TUFT1: variants seen among roughly 807,000 people sequenced by gnomAD.
TUFT1 encodes the protein tuftelin.
A neutral mutation model predicts 57.8 loss-of-function variants in TUFT1; 43 were observed. The ratio of observed to expected loss-of-function variants is 0.74; its 90% CI spans 0.58 to 0.96. TUFT1 has a LOEUF of 0.96. Ranked by LOEUF, TUFT1 falls within the 40% of genes least tolerant of loss-of-function variation. The pLI is 0.00. For missense variants in TUFT1, 459 were observed against 489.0 expected (o/e 0.94, Z 0.58); for synonymous variants, 166 against 176.7 (o/e 0.94, Z 0.48).
chr1:151,555,122 G>A (rs938478893), intron 1 of TUFT1, among the ~76,000 whole-genome samples: 13 of 149,124 alleles, frequency 8.7e-5, no homozygotes, highest in Non-Finnish European at 1.6e-4. Flanking sequence ...GAGGTCAGGA[G>A]TTCAAGACCA....
chr1:151,575,293 G>C (rs565206573), intron 9 of TUFT1, among the ~76,000 whole-genome samples: 16 of 152,218 alleles, frequency 1.1e-4, no homozygotes, highest in Non-Finnish European at 2.2e-4. Context: ...TGGAGCATCT[G>C]CTGTTGCTGT....
chr1:151,546,852 G>A (rs370643686), intron 1 of TUFT1, among the ~76,000 whole-genome samples: 1 of 152,154 alleles, frequency 6.6e-6, no homozygotes, highest in Admixed American at 6.5e-5. Flanking sequence ...ACAAGTTTTT[G>A]TGTGGAAATA....
intron 6 of TUFT1, among the ~76,000 whole-genome samples, chr1:151,569,376 G>T (rs563620441): frequency 6.6e-6 from 1 of 152,150 alleles, no homozygotes; most frequent in Non-Finnish European, 1.5e-5. Flanking sequence ...CCAAGAAATC[G>T]ATTAGTGGAT....
chr1:151,558,068 C>A, intron 1 of TUFT1: 1 of 327,546 alleles, frequency 3.1e-6, no homozygotes, highest in Non-Finnish European at 5.8e-6. Context: ...ATGTTTCTTT[C>A]TTCCCATTAT....
At chr1:151,558,916 C>T (rs1234445086) in intron 1 of TUFT1, among the ~76,000 whole-genome samples, 1 of 151,988 alleles carries the variant, frequency 6.6e-6, no homozygotes, top group Non-Finnish European at 1.5e-5. Context: ...TCCCTAGTAG[C>T]TGGGATTACA....
chr1:151,566,256 T>C (rs1291808828), intron 6 of TUFT1, 28 bp downstream of exon 6: 2 of 1,597,162 alleles, frequency 1.3e-6, no homozygotes, highest in South Asian at 2.2e-5. Flanking sequence ...CCATGGTGGC[T>C]CCGCTTAGCC....
At chr1:151,553,917 T>G (rs971840994) in intron 1 of TUFT1, among the ~76,000 whole-genome samples, 2 of 152,220 alleles carry the variant, frequency 1.3e-5, no homozygotes, top group East Asian at 3.8e-4. Flanking sequence ...CCTAATGAAG[T>G]TGAACCCCTT....
chr1:151,547,695 G>A (rs548428050), intron 1 of TUFT1, among the ~76,000 whole-genome samples: 1 of 152,184 alleles, frequency 6.6e-6, no homozygotes, highest in African/African-American at 2.4e-5. Flanking sequence ...TGATGCAGAG[G>A]GGGCACTGAG....
intron 1 of TUFT1, 152 bp from the exon 2 acceptor site, chr1:151,561,939 T>G: frequency 6.7e-7 from 1 of 1,494,450 alleles, no homozygotes; most frequent in South Asian, 1.3e-5. Flanking sequence ...AAGGTAATGC[T>G]GCCTCCCTGG....
intron 11 of TUFT1, among the ~76,000 whole-genome samples, chr1:151,580,498 G>GA (rs369418715): frequency 6.6e-6 from 1 of 151,592 alleles, no homozygotes; most frequent in Non-Finnish European, 1.5e-5. Context: ...CTCTGAAAAA[G>GA]AAAAAATTTT....
chr1:151,542,390 A>AT (rs11432264), intron 1 of TUFT1, among the ~76,000 whole-genome samples: 24,210 of 138,968 alleles, frequency 0.17, 2,775 homozygotes, highest in East Asian at 0.47. Flanking sequence ...CCTGACTAAA[A>AT]TTTTTTTTTT....
At chr1:151,540,775 T>TC (rs1237076401) in intron 1 of TUFT1, 4 of 256,282 alleles carry the variant, frequency 1.6e-5, no homozygotes, top group Non-Finnish European at 3.1e-5. Flanking sequence ...AGCGACTGGG[T>TC]CCCTGAGCGC....
At chr1:151,546,112 C>T (rs532276416) in intron 1 of TUFT1, among the ~76,000 whole-genome samples, 123 of 145,560 alleles carry the variant, frequency 8.5e-4, no homozygotes, top group African/African-American at 3.0e-3. Context: ...TTCATCCTCT[C>T]TCTCTTTTTC....
At chr1:151,576,849 TC>T (rs1453509129) in intron 9 of TUFT1, among the ~76,000 whole-genome samples, 1 of 152,140 alleles carries the variant, frequency 6.6e-6, no homozygotes, top group Admixed American at 6.6e-5. Flanking sequence ...GGTCTTGAAA[TC>T]CTGACCTCAA....
intron 1 of TUFT1, among the ~76,000 whole-genome samples, chr1:151,557,163 A>ATT (rs1157000716): frequency 6.6e-6 from 1 of 152,056 alleles, no homozygotes; most frequent in Non-Finnish European, 1.5e-5. Context: ...TACTCTAGGT[A>ATT]TTATACATTA....
intron 1 of TUFT1, among the ~76,000 whole-genome samples, chr1:151,553,300 C>G (rs1179936793): frequency 6.6e-6 from 1 of 152,152 alleles, no homozygotes; most frequent in Non-Finnish European, 1.5e-5. Context: ...CCATGTTGGC[C>G]AGGCTGGTCT....
intron 1 of TUFT1, chr1:151,561,666 A>C (rs4132646): frequency 0.33 from 405,162 of 1,234,262 alleles, 69,650 homozygotes; most frequent in East Asian, 0.62. Context: ...TAGTTCAGGA[A>C]GAATATGCTA....
chr1:151,571,223 A>G (rs937033905), intron 7 of TUFT1, among the ~76,000 whole-genome samples: 1 of 152,230 alleles, frequency 6.6e-6, no homozygotes. Flanking sequence ...CTTGGCGGTG[A>G]GGAGGAAGGG....
In TUFT1 at chr1:151,581,052, C is replaced by T. The variant is rs374590129; in HGVS notation, c.1109+10C>T. ...CAGAGAACCCGGGCAGGTGAGTGAG[C>T]GTGTGTAGATAGAATGGGGCCAGGG... On this transcript the variant is annotated intron_variant, in intron 12 of 12. Transcript: ENST00000368849. 4.0e-5 allele frequency: 64 copies of T among 1,612,722 alleles called. No homozygotes were observed. The East Asian group carries it at 9.1e-4, about 23-fold the overall frequency.
Sources: allele counts gnomAD v4.1 joint callset (sites outside exome capture counted in the v4.1 genomes callset), GRCh38; gene constraint gnomAD v4.1.1; transcripts MANE v1.5; gene names NCBI Gene and HGNC (gene_info 2026-07-23, HGNC 2026-07-21).